Variants in HIF1A observed in about 807,000 individuals in gnomAD.
HIF1A encodes hypoxia inducible factor 1 subunit alpha.
A neutral mutation model predicts 92.7 loss-of-function variants in HIF1A; 24 were observed. The observed-to-expected ratio is 0.26, with a 90% CI of 0.19 to 0.36. The LOEUF is 0.36. Among genes scored for constraint, HIF1A ranks in the 10% least tolerant of loss-of-function variants. The probability of loss-of-function intolerance (pLI) is 1.00; values close to 1 mark genes in which losing one functional copy is unlikely to be tolerated. For synonymous variants in HIF1A, 319 were observed against 338.7 expected, an observed-to-expected ratio of 0.94 and a Z score of 0.64; for missense variants, 799 against 998.5, an observed-to-expected ratio of 0.80 and a Z score of 2.69.
At chr14:61,739,792 G>A (rs1204331782) in intron 10 of HIF1A, among the ~76,000 whole-genome samples, 2 of 152,062 alleles carry the variant, frequency 1.3e-5, no homozygotes, top group East Asian at 1.9e-4. Flanking sequence ...TCCCACCCCC[G>A]ACAGTAACAG....
rs2044695490 is a variant in HIF1A, at chr14:61,740,429, T to G, written c.1537-76T>G. ...TGTGTTTTCTGGTTTTTCTGAGATCTAGTTTGAAAATTCTGACAACTAGCA... is the reference window on the plus strand; with the variant it reads ...TGTGTTTTCTGGTTTTTCTGAGATCGAGTTTGAAAATTCTGACAACTAGCA... On this transcript the variant is annotated intron_variant, in intron 10 of 14. Coordinates refer to ENST00000337138, the MANE Select transcript of HIF1A (RefSeq NM_001530.4). 21 of 1,086,440 alleles carry G rather than the reference T, an allele frequency of 1.9e-5. 1 individual carries two copies. In the Middle Eastern group the frequency reaches 1.5e-3, roughly 77 times the overall value. The allele number at this position is 1,086,440 out of a possible 1,614,324, so 67.3% of individuals were successfully genotyped here.
At position 61,720,502 on chromosome 14, in the gene HIF1A, G is replaced by C. The variant is rs768145418; in HGVS notation, c.156G>C (p.Ser52=). 2 of 1,613,186 alleles carry C rather than the reference G, an allele frequency of 1.2e-6. No individual in the cohort carries two copies. Among genetic ancestry groups the C allele is most frequent in the Non-Finnish European group, 1.7e-6 (2 of 1,179,562 alleles). Reference sequence around the variant, plus strand: ...TGCCACTTCCACATAATGTGAGTTCGCATCTTGATAAGGCCTCTGTGATGA... The same window carrying C: ...TGCCACTTCCACATAATGTGAGTTCCCATCTTGATAAGGCCTCTGTGATGA... ...HQLPLPHNVS[S]HLDKASVMRL... is the part of the protein sequence containing the mutation. The change falls in exon 2 of 15, where the codon TCG becomes TCC. Residue 52 remains serine (S), a synonymous_variant. Coordinates refer to ENST00000337138, the MANE Select transcript of HIF1A (RefSeq NM_001530.4).
intron 2 of HIF1A, among the ~76,000 whole-genome samples, chr14:61,720,859 C>A (rs943017620): frequency 6.6e-6 from 1 of 152,082 alleles, no homozygotes; most frequent in Non-Finnish European, 1.5e-5. Flanking sequence ...CTTTTTATTA[C>A]CTGCTTTTAA....
At chr14:61,700,104 A>T (rs888047810) in intron 1 of HIF1A, among the ~76,000 whole-genome samples, 2 of 152,272 alleles carry the variant, frequency 1.3e-5, no homozygotes, top group South Asian at 4.1e-4. Flanking sequence ...AAAAACAAAA[A>T]TGTGATTACC....
intron 4 of HIF1A, among the ~76,000 whole-genome samples, chr14:61,724,930 C>T (rs189772923): frequency 3.9e-5 from 6 of 152,348 alleles, no homozygotes; most frequent in Admixed American, 3.3e-4. Flanking sequence ...CACAGCCCTC[C>T]GTGGTACAGC....
intron 1 of HIF1A, among the ~76,000 whole-genome samples, chr14:61,707,535 C>T (rs528345056): frequency 6.6e-6 from 1 of 152,154 alleles, no homozygotes; most frequent in South Asian, 2.1e-4. Flanking sequence ...CAGTTCCTAC[C>T]TATGAGTGAG....
At chr14:61,707,325 C>CT (rs2044250765) in intron 1 of HIF1A, among the ~76,000 whole-genome samples, 1 of 151,676 alleles carries the variant, frequency 6.6e-6, no homozygotes, top group South Asian at 2.1e-4. Context: ...CTTTATTATA[C>CT]TTTAAGTTTT....
chr14:61,721,480 T>A, intron 2 of HIF1A, 29 bp from the exon 3 acceptor site: 2 of 1,583,524 alleles, frequency 1.3e-6, no homozygotes, highest in Non-Finnish European at 1.7e-6. Context: ...TTTTAACTAA[T>A]TATTTTCCTC....
At chr14:61,718,473 A>AC (rs111414040) in intron 1 of HIF1A, among the ~76,000 whole-genome samples, 14 of 151,710 alleles carry the variant, frequency 9.2e-5, no homozygotes, top group Non-Finnish European at 1.3e-4. Flanking sequence ...CCTGCTAGAT[A>AC]CCCCCCCATC....
At chr14:61,712,015 C>T (rs572175309) in intron 1 of HIF1A, among the ~76,000 whole-genome samples, 19 of 152,208 alleles carry the variant, frequency 1.2e-4, no homozygotes, top group South Asian at 1.2e-3. Context: ...CAAAAGTCTC[C>T]GCCTCTATGG....
chr14:61,699,240 T>C (rs897786030), intron 1 of HIF1A, among the ~76,000 whole-genome samples: 6 of 152,212 alleles, frequency 3.9e-5, no homozygotes, highest in East Asian at 1.9e-4. Context: ...TGAGAAAGTA[T>C]TGGAGTTCAT....
Position 61,720,568 on chromosome 14 carries a change from T to C in HIF1A, c.222T>C (p.Asp74=). Residue 74 remains aspartate (D), a synonymous_variant, in exon 2 of 15, where the codon GAT becomes GAC. Coordinates refer to ENST00000337138, the MANE Select transcript of HIF1A (RefSeq NM_001530.4). ...ATTTGCGTGTGAGGAAACTTCTGGA[T>C]GCTGGTGAGTTATTTTACAAGGGTA... The part of the protein sequence containing the change: ...ISYLRVRKLL[D]AGDLDIEDDM... 6.3e-7 allele frequency: 1 copy of C among 1,591,682 alleles called. No homozygotes were observed. Among genetic ancestry groups the C allele is most frequent in the Non-Finnish European group, 8.6e-7 (1 of 1,169,404 alleles).
chr14:61,725,523 T>C (rs1366011630), intron 4 of HIF1A, among the ~76,000 whole-genome samples: 1 of 151,406 alleles, frequency 6.6e-6, no homozygotes, highest in East Asian at 2.0e-4. Context: ...CAAGTGATTC[T>C]CACGCCTCAA....
At chr14:61,741,613 C>G (rs1245288462) in intron 12 of HIF1A, among the ~76,000 whole-genome samples, 1 of 152,128 alleles carries the variant, frequency 6.6e-6, no homozygotes, top group Non-Finnish European at 1.5e-5. Flanking sequence ...AGGTGATCCG[C>G]CTGCCTCAGC....
chr14:61,717,053 G>A (rs577984522), intron 1 of HIF1A: 1 of 152,276 alleles, frequency 6.6e-6, no homozygotes, highest in African/African-American at 2.4e-5. Context: ...ATAAAATTTA[G>A]AGAAATATAG....
intron 9 of HIF1A, 66 bp downstream of exon 9, chr14:61,737,175 C>CA (rs1195540952): frequency 1.5e-5 from 16 of 1,068,480 alleles, no homozygotes; most frequent in Non-Finnish European, 2.0e-5. Context: ...TTCAACTAAA[C>CA]ATTACTTTAC....
chr14:61,718,369 AGAAATCTATTT>A (rs1386227939), intron 1 of HIF1A, among the ~76,000 whole-genome samples: 2 of 152,194 alleles, frequency 1.3e-5, no homozygotes. Context: ...TGAACCAGAT[AGAAATCTATTT>A]CCCACAGCTA....
chr14:61,714,324 G>A (rs2044339756), intron 1 of HIF1A, among the ~76,000 whole-genome samples: 1 of 152,224 alleles, frequency 6.6e-6, no homozygotes, highest in African/African-American at 2.4e-5. Context: ...ATGGAAATGT[G>A]AGATGTTGTT....
In HIF1A at chr14:61,746,975, G is replaced by A; in HGVS notation, c.2371G>A (p.Gly791Arg). 6.2e-7 allele frequency: 1 copy of A among 1,613,198 alleles called. No homozygotes were observed. Among genetic ancestry groups the A allele is most frequent in the Non-Finnish European group, 8.5e-7 (1 of 1,179,556 alleles). ...GCTGGGGCAATCAATGGATGAAAGT[G>A]GATTACCACAGCTGACCAGTTATGA... ...RLLGQSMDES[G>R]LPQLTSYDCE... Residue 791 changes from glycine (G) to arginine (R), a missense_variant, in exon 15 of 15, where the codon GGA becomes AGA. Transcript: ENST00000337138.
Sources: gnomAD v4.1 joint callset for allele counts (sites outside exome capture counted in the v4.1 genomes callset) on GRCh38, gnomAD v4.1.1 for gene constraint, MANE v1.5 for transcripts, NCBI Gene and HGNC (gene_info 2026-07-23, HGNC 2026-07-21) for gene names.